TAF2: variants seen among roughly 807,000 people sequenced by gnomAD.
The protein encoded by TAF2 is TATA-box binding protein associated factor 2.
Under a neutral mutation model 138.5 loss-of-function variants are expected in TAF2, and 61 were observed. The ratio of observed to expected loss-of-function variants is 0.44; its 90% CI spans 0.36 to 0.54. TAF2 has a LOEUF of 0.54. TAF2 is among the 20% of genes least tolerant of loss of function. The pLI, the probability that TAF2 is intolerant of heterozygous loss-of-function variation, is 0.00. For missense variants in TAF2, 1,090 were observed against 1,427.9 expected (o/e 0.76, Z 3.81); for synonymous variants, 475 against 469.9 (o/e 1.01, Z -0.14).
rs1826541400 is a variant in TAF2 at position 119,832,636 on chromosome 8, C to CA, written c.-73dup. The CA allele has an allele frequency of 2.1e-6, 3 of 1,417,916 alleles. No homozygotes were observed. Among genetic ancestry groups the CA allele is most frequent in the Non-Finnish European group, 2.9e-6 (3 of 1,019,184 alleles). The allele number at this position is 1,417,916 out of a possible 1,614,324, so 87.8% of individuals were successfully genotyped here. On this transcript the variant is annotated 5_prime_UTR_variant, in exon 1 of 26. Transcript: ENST00000378164. ...GGGGCATTACTAGTCTTTGGCACCT[C>CA]ACACTCTCCACTCCCCTGCGGTCCC...
chr8:119,752,598 A>T (rs1820426430), intron 22 of TAF2, among the ~76,000 whole-genome samples: 1 of 152,206 alleles, frequency 6.6e-6, no homozygotes, highest in Non-Finnish European at 1.5e-5. Flanking sequence ...AAAAGTCATG[A>T]GTATCATTCT....
At chr8:119,757,783 C>T (rs1370796092) in intron 21 of TAF2, among the ~76,000 whole-genome samples, 1 of 151,964 alleles carries the variant, frequency 6.6e-6, no homozygotes, top group African/African-American at 2.4e-5. Flanking sequence ...GTAATCCCAG[C>T]CACCAGAGAG....
At position 119,760,683 on chromosome 8, in the gene TAF2, C is replaced by G; in HGVS notation, c.2614G>C (p.Ala872Pro). The G allele has an allele frequency of 1.9e-6, 3 of 1,613,952 alleles. No homozygotes were observed. The highest frequency in any genetic ancestry group is 2.5e-6 in the Non-Finnish European group (3 of 1,179,934). Reference sequence around the variant, plus strand: ...TATTCAGCATAAGATTTAAAAAGAGCTGGATCACTTGGCACATGTCCGTTC... The same window carrying G: ...TATTCAGCATAAGATTTAAAAAGAGGTGGATCACTTGGCACATGTCCGTTC... ...QKNGHVPSDP[A>P]LFKSYAEYGH... is the part of the protein sequence containing the mutation. The change falls in exon 20 of 26, where the codon GCT (alanine) becomes CCT (proline). Residue 872 changes from alanine (A) to proline (P), a missense_variant. Ala to Pro is a conservative substitution (Grantham distance 27). Coordinates refer to ENST00000378164, the MANE Select transcript of TAF2 (RefSeq NM_003184.4).
At chr8:119,819,313 T>C in intron 3 of TAF2, 33 bp downstream of exon 3, 1 of 1,605,668 alleles carries the variant, frequency 6.2e-7, no homozygotes, top group Non-Finnish European at 8.5e-7. Context: ...TCAAAACTGT[T>C]AAAAATAGTG....
intron 3 of TAF2, among the ~76,000 whole-genome samples, chr8:119,814,239 C>T (rs1409689444): frequency 1.3e-5 from 2 of 152,070 alleles, no homozygotes; most frequent in African/African-American, 2.4e-5. Flanking sequence ...ACTAAATGAA[C>T]TCTAATGTCC....
At chr8:119,763,805 G>A (rs1006373656) in intron 18 of TAF2, among the ~76,000 whole-genome samples, 5 of 151,514 alleles carry the variant, frequency 3.3e-5, no homozygotes, top group East Asian at 2.0e-4. Flanking sequence ...AGTGAGCCAC[G>A]ATTGCACCAC....
At chr8:119,744,144 T>C in intron 24 of TAF2, 144 bp downstream of exon 24, 1 of 833,514 alleles carries the variant, frequency 1.2e-6, no homozygotes, top group Non-Finnish European at 1.9e-6. Context: ...CCAATTTATG[T>C]TATAATCTGC....
At chr8:119,764,749 T>C (rs886801617) in intron 18 of TAF2, among the ~76,000 whole-genome samples, 4 of 152,156 alleles carry the variant, frequency 2.6e-5, no homozygotes, top group Middle Eastern at 3.4e-3. Flanking sequence ...ATTATATAAA[T>C]ACTCCACAAA....
intron 3 of TAF2, among the ~76,000 whole-genome samples, chr8:119,817,943 A>G (rs184884459): frequency 6.6e-6 from 1 of 152,354 alleles, no homozygotes; most frequent in Admixed American, 6.5e-5. Context: ...TGTCAGTTCT[A>G]CAAATGTGGC....
intron 9 of TAF2, among the ~76,000 whole-genome samples, chr8:119,794,395 CA>C (rs147358018): frequency 1.3e-3 from 154 of 118,992 alleles, no homozygotes; most frequent in Non-Finnish European, 1.5e-3. Flanking sequence ...GACTCCGTCT[CA>C]AAAAAAAAAA....
intron 24 of TAF2, 94 bp downstream of exon 24, chr8:119,744,194 T>C: frequency 8.6e-7 from 1 of 1,160,402 alleles, no homozygotes; most frequent in South Asian, 1.2e-5. Flanking sequence ...TTAAACTGTA[T>C]AGTTGTTCAT....
intron 3 of TAF2, among the ~76,000 whole-genome samples, chr8:119,815,393 G>A (rs1282203687): frequency 1.3e-5 from 2 of 151,404 alleles, no homozygotes; most frequent in African/African-American, 4.8e-5. Context: ...TCCTGCCTCA[G>A]CCTCCAGAGT....
chr8:119,806,248 T>A (rs1437812573), intron 4 of TAF2, 35 bp downstream of exon 4: 1 of 1,540,838 alleles, frequency 6.5e-7, no homozygotes, highest in Admixed American at 1.7e-5. Flanking sequence ...CTAACGTGAT[T>A]TTAGTGTACA....
chr8:119,795,115 A>G (rs1823731241), intron 9 of TAF2, among the ~76,000 whole-genome samples: 1 of 152,194 alleles, frequency 6.6e-6, no homozygotes, highest in Admixed American at 6.5e-5. Context: ...TAAGCAGTTA[A>G]TATGTGCAAA....
chr8:119,827,880 A>G (rs541313422), intron 2 of TAF2, among the ~76,000 whole-genome samples: 2 of 152,006 alleles, frequency 1.3e-5, no homozygotes, highest in Non-Finnish European at 2.9e-5. Flanking sequence ...AGTAGCTGGG[A>G]TTACGGGTGC....
chr8:119,745,132 G>A lies in TAF2; in HGVS notation c.3109-739C>T, dbSNP rs549212412. ...AGCTATAGCAACCATGCAGATTAGA[G>A]CATGCCCAGTGCTAGAAATTATCAG... is the stretch of plus-strand genomic sequence containing the variant. On this transcript the variant is annotated intron_variant, in intron 23 of 25. Coordinates refer to ENST00000378164, the MANE Select transcript of TAF2 (RefSeq NM_003184.4). 436 of 407,654 alleles carry A rather than the reference G, an allele frequency of 1.1e-3. 6 individuals are homozygous for A. The highest frequency in any genetic ancestry group is 7.7e-3 in the South Asian group (420 of 54,842). The allele number at this position is 407,654 out of a possible 1,614,324, so 25.3% of individuals were successfully genotyped here. A position where few individuals can be genotyped will look rare whatever the true frequency, so the allele number is the denominator to read the frequency against.
intron 18 of TAF2, among the ~76,000 whole-genome samples, chr8:119,764,304 C>T (rs1212816722): frequency 6.6e-6 from 1 of 152,174 alleles, no homozygotes; most frequent in Non-Finnish European, 1.5e-5. Flanking sequence ...TGCATTTACG[C>T]TATCCTTAGT....
intron 18 of TAF2, among the ~76,000 whole-genome samples, chr8:119,763,731 A>G (rs1045008836): frequency 5.3e-5 from 8 of 152,078 alleles, no homozygotes; most frequent in African/African-American, 1.9e-4. Context: ...CTCCGTCTCA[A>G]GTGAGCCGAG....
At position 119,805,448 on chromosome 8, in the gene TAF2, G is replaced by C. The variant is rs35508827; in HGVS notation, c.418+835C>G. On this transcript the variant is annotated intron_variant, in intron 4 of 25. Coordinates refer to ENST00000378164, the MANE Select transcript of TAF2 (RefSeq NM_003184.4). ...TGGCCAGGCGCAGTGGCTCACGCCT[G>C]TAATCCCAGCACTTTGGGAGGCCAA... Among the ~76,000 whole-genome samples, 1,453 of 152,276 alleles carry C rather than the reference G, an allele frequency of 9.5e-3. 17 individuals are homozygous for C. Among genetic ancestry groups the C allele is most frequent in the African/African-American group, 0.034 (1,401 of 41,548 alleles).
Sources: allele counts gnomAD v4.1 joint callset (sites outside exome capture counted in the v4.1 genomes callset), GRCh38; gene constraint gnomAD v4.1.1; transcripts MANE v1.5; gene names NCBI Gene and HGNC (gene_info 2026-07-23, HGNC 2026-07-21).